JAM2: variants seen among roughly 807,000 people sequenced by gnomAD.
The protein encoded by JAM2 is junctional adhesion molecule B.
Under a neutral mutation model 42.0 loss-of-function variants are expected in JAM2, and 17 were observed. The ratio of observed to expected loss-of-function variants is 0.40; its 90% confidence interval spans 0.28 to 0.61. JAM2 has a LOEUF of 0.61. JAM2 is among the 20% of genes least tolerant of loss of function. The pLI is 0.37. For missense variants in JAM2, 319 were observed against 358.3 expected (o/e 0.89, Z 0.89); for synonymous variants, 118 against 128.6 (o/e 0.92, Z 0.56).
chr21:25,673,425 A>G (rs2033406795), intron 1 of JAM2, among the ~76,000 whole-genome samples: 1 of 152,240 alleles, frequency 6.6e-6, no homozygotes, highest in African/African-American at 2.4e-5. Context: ...TTGTCGAAGA[A>G]CCAGAAAAGG....
chr21:25,671,854 G>A (rs1012817023), intron 1 of JAM2, among the ~76,000 whole-genome samples: 2 of 152,170 alleles, frequency 1.3e-5, no homozygotes, highest in African/African-American at 4.8e-5. Context: ...AACCTCATTT[G>A]CAGATTATAC....
At chr21:25,696,778 TG>T (rs1450188139) in intron 4 of JAM2, among the ~76,000 whole-genome samples, 1 of 152,208 alleles carries the variant, frequency 6.6e-6, no homozygotes, top group African/African-American at 2.4e-5. Context: ...TATCAGTTCG[TG>T]GGCCACACTC....
intron 1 of JAM2, among the ~76,000 whole-genome samples, chr21:25,656,322 C>G (rs2032939011): frequency 6.6e-6 from 1 of 152,226 alleles, no homozygotes; most frequent in African/African-American, 2.4e-5. Flanking sequence ...CTGCAGATAT[C>G]TTACATTTGA....
chr21:25,696,144 G>A (rs550088137), intron 4 of JAM2, among the ~76,000 whole-genome samples: 2 of 152,294 alleles, frequency 1.3e-5, no homozygotes, highest in Admixed American at 6.5e-5. Context: ...CCGGCACCTC[G>A]GGAGGCCGAG....
chr21:25,690,473 G>GCA (rs1358491262), intron 3 of JAM2, among the ~76,000 whole-genome samples: 1 of 151,962 alleles, frequency 6.6e-6, no homozygotes, highest in Non-Finnish European at 1.5e-5. Context: ...GACTACAGGT[G>GCA]CACACCAGTA....
intron 9 of JAM2, 48 bp downstream of exon 9, chr21:25,712,430 AG>A: frequency 7.6e-7 from 1 of 1,319,608 alleles, no homozygotes; most frequent in South Asian, 1.2e-5. Context: ...TTTGGGGAAT[AG>A]GGCAGGGAAA....
intron 1 of JAM2, among the ~76,000 whole-genome samples, chr21:25,648,409 T>A (rs1386195492): frequency 6.6e-6 from 1 of 152,028 alleles, no homozygotes; most frequent in Non-Finnish European, 1.5e-5. Context: ...CATATAGTGC[T>A]TTTGGATCCA....
chr21:25,655,484 T>C (rs969200253), intron 1 of JAM2, among the ~76,000 whole-genome samples: 2 of 100,728 alleles, frequency 2.0e-5, no homozygotes, highest in African/African-American at 1.3e-4. Context: ...ACATCAGCTC[T>C]TTTTTTTTTT....
At position 25,655,123 on chromosome 21, in the gene JAM2, A is replaced by G. The variant is rs951427681; in HGVS notation, c.67+15235A>G. ...AATCTTTAGTGGTGCTTGCTAAAGTAATAAAGACAATTATTTGATATATAT... is the reference window on the plus strand; with the variant it reads ...AATCTTTAGTGGTGCTTGCTAAAGTGATAAAGACAATTATTTGATATATAT... On this transcript the variant is annotated intron_variant, in intron 1 of 9. Coordinates refer to ENST00000480456, the MANE Select transcript of JAM2 (RefSeq NM_021219.4). Among the ~76,000 whole-genome samples the G allele has an allele frequency of 3.9e-5, 6 of 152,322 alleles. No individual in the cohort carries two copies. In the East Asian group the frequency reaches 1.2e-3, roughly 29 times the overall value.
chr21:25,672,558 T>A (rs527975981), intron 1 of JAM2, among the ~76,000 whole-genome samples: 1 of 152,258 alleles, frequency 6.6e-6, no homozygotes, highest in Non-Finnish European at 1.5e-5. Flanking sequence ...GCAGTGGTTC[T>A]GTACTTTTAA....
chr21:25,654,272 G>C (rs2032863772), intron 1 of JAM2, among the ~76,000 whole-genome samples: 1 of 152,152 alleles, frequency 6.6e-6, no homozygotes, highest in Admixed American at 6.5e-5. Flanking sequence ...AAAATCATTA[G>C]ACAAAATGTT....
rs2034449679 is a variant in JAM2, at chr21:25,714,765, G to C, written c.*93G>C. 1 of 788,954 alleles carries C rather than the reference G, an allele frequency of 1.3e-6. No individual in the cohort carries two copies. The highest frequency in any genetic ancestry group is 1.8e-5 in the African/African-American group (1 of 54,890). The allele number at this position is 788,954 out of a possible 1,614,324, so 48.9% of individuals were successfully genotyped here. ...TGCTTTGTCCGACATTTGCAAAGAG[G>C]TACACGAGGAAATGGAATTGGTATT... is the stretch of plus-strand genomic sequence containing the variant. On this transcript the variant is annotated 3_prime_UTR_variant, in exon 10 of 10. Transcript: ENST00000480456.
At chr21:25,667,796 A>G (rs1160524642) in intron 1 of JAM2, among the ~76,000 whole-genome samples, 1 of 152,238 alleles carries the variant, frequency 6.6e-6, no homozygotes, top group Non-Finnish European at 1.5e-5. Context: ...AACAAAAATT[A>G]GTAGCCAAAA....
At chr21:25,685,524 C>CAAAAA (rs776114627) in intron 2 of JAM2, among the ~76,000 whole-genome samples, 6 of 50,412 alleles carry the variant, frequency 1.2e-4, no homozygotes, top group East Asian at 5.7e-4. Flanking sequence ...GAGAATGTCT[C>CAAAAA]AAAAAAAAAA....
At chr21:25,673,497 A>G (rs781406777) in intron 1 of JAM2, among the ~76,000 whole-genome samples, 1 of 152,228 alleles carries the variant, frequency 6.6e-6, no homozygotes, top group Non-Finnish European at 1.5e-5. Flanking sequence ...TTCATTCACC[A>G]TAAACGTTTA....
intron 9 of JAM2, among the ~76,000 whole-genome samples, chr21:25,714,000 A>T (rs1306188053): frequency 1.3e-5 from 2 of 152,224 alleles, no homozygotes; most frequent in Non-Finnish European, 2.9e-5. Flanking sequence ...TTTGGGCCAC[A>T]TCATTCTTTG....
intron 1 of JAM2, among the ~76,000 whole-genome samples, chr21:25,652,606 A>G (rs2032813259): frequency 6.6e-6 from 1 of 152,222 alleles, no homozygotes; most frequent in African/African-American, 2.4e-5. Flanking sequence ...ATGTTATATT[A>G]TAGGAAATAC....
At chr21:25,685,804 G>A (rs1173473712) in intron 2 of JAM2, among the ~76,000 whole-genome samples, 1 of 152,116 alleles carries the variant, frequency 6.6e-6, no homozygotes, top group Non-Finnish European at 1.5e-5. Flanking sequence ...ACAAGGGTGA[G>A]CACAGAGTGC....
intron 1 of JAM2, among the ~76,000 whole-genome samples, chr21:25,651,218 A>G (rs979032283): frequency 6.6e-6 from 1 of 152,162 alleles, no homozygotes; most frequent in African/African-American, 2.4e-5. Flanking sequence ...TACATCTCTG[A>G]CAGAGTATTA....
Sources: allele counts gnomAD v4.1 joint callset (sites outside exome capture counted in the v4.1 genomes callset), GRCh38; gene constraint gnomAD v4.1.1; transcripts MANE v1.5; gene names NCBI Gene and HGNC (gene_info 2026-07-23, HGNC 2026-07-21).